The following EPHA3 variants were observed in gnomAD, a reference collection of about 807,000 sequenced individuals.
The protein encoded by EPHA3 is ephrin type-A receptor 3.
EPHA3 carries 42 observed loss-of-function variants against 107.1 expected under a neutral mutation model. The observed-to-expected ratio is 0.39, with a 90% CI of 0.31 to 0.51. The LOEUF is 0.51. EPHA3 is among the 20% of genes least tolerant of loss of function. The probability of loss-of-function intolerance (pLI) is 0.78; values close to 1 mark genes in which losing one functional copy is unlikely to be tolerated. For missense variants in EPHA3, 1,183 were observed against 1,211.2 expected (o/e 0.98, Z 0.35); for synonymous variants, 461 against 424.8 (o/e 1.09, Z -1.05).
chr3:89,188,694 C>G (rs1415768435), intron 2 of EPHA3, among the ~76,000 whole-genome samples: 2 of 152,128 alleles, frequency 1.3e-5, no homozygotes, highest in African/African-American at 4.8e-5. Context: ...CAAGATACTT[C>G]TATATTCTTT....
At chr3:89,323,192 T>C (rs1707082843) in intron 3 of EPHA3, among the ~76,000 whole-genome samples, 1 of 152,134 alleles carries the variant, frequency 6.6e-6, no homozygotes, top group Non-Finnish European at 1.5e-5. Context: ...TTATACACAA[T>C]ATGTAAGCAT....
chr3:89,454,678 A>C (rs558125576), intron 15 of EPHA3, among the ~76,000 whole-genome samples: 1 of 152,324 alleles, frequency 6.6e-6, no homozygotes, highest in Admixed American at 6.5e-5. Flanking sequence ...CTTATAAAAA[A>C]ATCTCCTTTT....
At chr3:89,440,758 T>C (rs370680606) in intron 13 of EPHA3, among the ~76,000 whole-genome samples, 3 of 152,322 alleles carry the variant, frequency 2.0e-5, no homozygotes, top group African/African-American at 7.2e-5. Flanking sequence ...AGTTATGTAG[T>C]GCCTTTTTCC....
intron 3 of EPHA3, among the ~76,000 whole-genome samples, chr3:89,244,211 C>T (rs1194270681): frequency 6.6e-6 from 1 of 151,854 alleles, no homozygotes; most frequent in Non-Finnish European, 1.5e-5. Flanking sequence ...TTATGAAAAT[C>T]AAACAGATTT....
At position 89,210,930 on chromosome 3, in the gene EPHA3, C is replaced by G. The variant is rs116584528; in HGVS notation, c.814+410C>G. ...ACTGTGGTGGTTATTTATGCTGGTG[C>G]TCATCTATCTCATAGCAATATTTAC... On this transcript the variant is annotated intron_variant, in intron 3 of 16. Coordinates refer to ENST00000336596, the MANE Select transcript of EPHA3 (RefSeq NM_005233.6). Among the ~76,000 whole-genome samples the G allele has an allele frequency of 1.0e-2, 1,518 of 152,156 alleles. 22 individuals carry two copies. Among genetic ancestry groups the G allele is most frequent in the Middle Eastern group, 0.02 (6 of 294 alleles).
rs147570721 is a variant in EPHA3, at chr3:89,325,396, C to A, written c.815-15520C>A. 2.6e-3 allele frequency among the ~76,000 whole-genome samples: 394 copies of A among 152,286 alleles called. 1 individual carries two copies. The highest frequency in any genetic ancestry group is 8.8e-3 in the African/African-American group (368 of 41,586). ...AATACATTTTCCCGATAGAAGCAAG[C>A]ATAATCTCTTTGAAATGTAAATCTG... On this transcript the variant is annotated intron_variant, in intron 3 of 16. Coordinates refer to ENST00000336596, the MANE Select transcript of EPHA3 (RefSeq NM_005233.6).
chr3:89,156,810 T>G (rs890320162), intron 2 of EPHA3, among the ~76,000 whole-genome samples: 11 of 152,028 alleles, frequency 7.2e-5, no homozygotes, highest in Non-Finnish European at 1.2e-4. Flanking sequence ...GAATATAAGA[T>G]TCTGATGACT....
At chr3:89,477,616 G>T (rs1710543581) in intron 16 of EPHA3, among the ~76,000 whole-genome samples, 1 of 152,086 alleles carries the variant, frequency 6.6e-6, no homozygotes, top group Admixed American at 6.6e-5. Context: ...CTGTGTGTGT[G>T]TGTGTGTCTG....
chr3:89,409,511 T>C (rs1307317469), intron 9 of EPHA3, among the ~76,000 whole-genome samples: 1 of 152,040 alleles, frequency 6.6e-6, no homozygotes, highest in Non-Finnish European at 1.5e-5. Flanking sequence ...GTGCCAATTA[T>C]TAAACAGGTT....
chr3:89,321,551 A>G (rs942140840), intron 3 of EPHA3, among the ~76,000 whole-genome samples: 2 of 152,074 alleles, frequency 1.3e-5, no homozygotes, highest in African/African-American at 4.8e-5. Flanking sequence ...TCTCCTTCTC[A>G]TTTGCTGATT....
chr3:89,275,022 C>A (rs1705771505), intron 3 of EPHA3, among the ~76,000 whole-genome samples: 2 of 151,982 alleles, frequency 1.3e-5, no homozygotes, highest in South Asian at 4.1e-4. Context: ...ACTTTCAGAA[C>A]TTTGCTAATG....
At chr3:89,385,148 GA>G (rs1009445643) in intron 5 of EPHA3, among the ~76,000 whole-genome samples, 11 of 151,914 alleles carry the variant, frequency 7.2e-5, no homozygotes, top group Non-Finnish European at 1.5e-4. Context: ...ATTTCATTAT[GA>G]AAAAAAATTA....
intron 3 of EPHA3, among the ~76,000 whole-genome samples, chr3:89,294,490 GTTCTT>G (rs1706297253): frequency 6.6e-6 from 1 of 151,018 alleles, no homozygotes; most frequent in Non-Finnish European, 1.5e-5. Flanking sequence ...CTTGAACTTT[GTTCTT>G]TTCCTCTTAC....
At chr3:89,123,473 T>G (rs1707436189) in intron 1 of EPHA3, among the ~76,000 whole-genome samples, 1 of 152,106 alleles carries the variant, frequency 6.6e-6, no homozygotes, top group African/African-American at 2.4e-5. Flanking sequence ...TTTACTCCAT[T>G]CTACACCTTC....
At chr3:89,341,668 T>C (rs1707524631) in intron 4 of EPHA3, 87 bp from the exon 5 acceptor site, 1 of 1,033,780 alleles carries the variant, frequency 9.7e-7, no homozygotes, top group Non-Finnish European at 1.4e-6. Context: ...GTTATTTACC[T>C]CATTCAGTTC....
chr3:89,325,589 T>C (rs943864005), intron 3 of EPHA3, among the ~76,000 whole-genome samples: 8 of 152,166 alleles, frequency 5.3e-5, no homozygotes, highest in Admixed American at 4.6e-4. Context: ...CCAGCTATAC[T>C]CTTTTTCTTT....
At chr3:89,353,197 G>A (rs1707868977) in intron 5 of EPHA3, among the ~76,000 whole-genome samples, 1 of 151,240 alleles carries the variant, frequency 6.6e-6, no homozygotes, top group African/African-American at 2.4e-5. Context: ...TATTGGTATA[G>A]TCCCTATAGA....
intron 2 of EPHA3, among the ~76,000 whole-genome samples, chr3:89,208,698 A>G (rs554355516): frequency 2.6e-5 from 4 of 152,130 alleles, no homozygotes; most frequent in Non-Finnish European, 4.4e-5. Context: ...AAACAATAAA[A>G]GAGTTTACAT....
intron 16 of EPHA3, among the ~76,000 whole-genome samples, chr3:89,473,143 G>A (rs1710440200): frequency 6.6e-6 from 1 of 151,326 alleles, no homozygotes; most frequent in South Asian, 2.1e-4. Context: ...ACCCTGTAAA[G>A]GATATCATGC....
Sources: gnomAD v4.1 joint callset for allele counts (sites outside exome capture counted in the v4.1 genomes callset) on GRCh38, gnomAD v4.1.1 for gene constraint, MANE v1.5 for transcripts, NCBI Gene and HGNC (gene_info 2026-07-23, HGNC 2026-07-21) for gene names.